ASCC3: variants seen among roughly 807,000 people sequenced by gnomAD.
ASCC3 encodes the protein activating signal cointegrator 1 complex subunit 3.
In ASCC3, 158 loss-of-function variants were observed where a neutral mutation model predicts 256.3. The observed-to-expected ratio is 0.62, with a 90% CI of 0.54 to 0.70. The LOEUF is 0.70. Among genes scored for constraint, ASCC3 ranks in the 30% least tolerant of loss-of-function variants. The pLI is 0.00. For synonymous variants in ASCC3, 948 were observed against 883.4 expected, an observed-to-expected ratio of 1.07 and a Z score of -1.30; for missense variants, 2,259 against 2,626.0, an observed-to-expected ratio of 0.86 and a Z score of 3.05.
At position 100,509,421 on chromosome 6, in the gene ASCC3, C is replaced by T; in HGVS notation, c.6574G>A (p.Val2192Ile). The T allele has an allele frequency of 6.2e-7, 1 of 1,614,160 alleles. No homozygotes were observed. The highest frequency in any genetic ancestry group is 8.5e-7 in the Non-Finnish European group (1 of 1,180,028). The change falls in exon 42 of 42, where the codon GTC (valine) becomes ATC (isoleucine). Residue 2192 changes from valine (V) to isoleucine (I), a missense_variant. Transcript: ENST00000369162. ...GCCAGGTCAGTCAGGGAATCAGAGA[C>T]CTTGGTGTTGACCTGTGCAGAAAGA... ...ASLSAQVNTK[V>I]SDSLTDLALK
At chr6:100,871,429 T>C (rs1225887940) in intron 1 of ASCC3, among the ~76,000 whole-genome samples, 1 of 152,010 alleles carries the variant, frequency 6.6e-6, no homozygotes, top group Non-Finnish European at 1.5e-5. Context: ...CTTAATTTTG[T>C]CTCAAGCCAA....
In ASCC3 at chr6:100,803,723, GT is replaced by G. The variant is rs1431315940; in HGVS notation, c.922+2036del. Among the ~76,000 whole-genome samples the G allele has an allele frequency of 7.2e-5, 11 of 152,166 alleles. No homozygotes were observed. In the East Asian group the frequency reaches 2.1e-3, roughly 29 times the overall value. ...AGGAACTTTAAGGCTCTGAGAACATGTATTAGTAATCAAGAGAATCTGTAAG... is the reference window on the plus strand; with the variant it reads ...AGGAACTTTAAGGCTCTGAGAACATGATTAGTAATCAAGAGAATCTGTAAG... On this transcript the variant is annotated intron_variant, in intron 5 of 41. Transcript: ENST00000369162.
At chr6:100,840,700 A>C (rs1027852974) in intron 4 of ASCC3, among the ~76,000 whole-genome samples, 3 of 152,052 alleles carry the variant, frequency 2.0e-5, no homozygotes, top group Non-Finnish European at 4.4e-5. Flanking sequence ...AAGCAGGTTC[A>C]AAATTATATA....
intron 25 of ASCC3, among the ~76,000 whole-genome samples, chr6:100,634,864 C>CA (rs199632200): frequency 0.056 from 6,719 of 119,154 alleles, 283 homozygotes; most frequent in African/African-American, 0.16. Flanking sequence ...CCTCAAAAAA[C>CA]AAAAAAAAAA....
intron 34 of ASCC3, among the ~76,000 whole-genome samples, chr6:100,595,126 G>T (rs1484709067): frequency 1.3e-5 from 2 of 152,076 alleles, no homozygotes; most frequent in African/African-American, 4.8e-5. Context: ...ATAAGTTCTG[G>T]TGATGCACTG....
intron 8 of ASCC3, among the ~76,000 whole-genome samples, chr6:100,795,938 C>A (rs1277925003): frequency 6.6e-6 from 1 of 152,046 alleles, no homozygotes; most frequent in Non-Finnish European, 1.5e-5. Context: ...TTTTTTCTCC[C>A]AATGTCTGTA....
chr6:100,697,956 T>C (rs1778168329), intron 13 of ASCC3, among the ~76,000 whole-genome samples: 1 of 152,142 alleles, frequency 6.6e-6, no homozygotes, highest in Non-Finnish European at 1.5e-5. Flanking sequence ...TTCCTAAACA[T>C]CATTCGGAGA....
chr6:100,768,449 A>C (rs1010711015), intron 8 of ASCC3, among the ~76,000 whole-genome samples: 3 of 152,218 alleles, frequency 2.0e-5, no homozygotes, highest in African/African-American at 7.2e-5. Context: ...GTCAGAAAAA[A>C]TAAATTTTGA....
At chr6:100,807,248 G>C (rs1206026248) in intron 4 of ASCC3, among the ~76,000 whole-genome samples, 1 of 151,850 alleles carries the variant, frequency 6.6e-6, no homozygotes, top group African/African-American at 2.4e-5. Context: ...AAGATAACAG[G>C]AAAATGGTCA....
intron 8 of ASCC3, among the ~76,000 whole-genome samples, chr6:100,790,752 G>A (rs1174649271): frequency 6.6e-6 from 1 of 151,944 alleles, no homozygotes; most frequent in Non-Finnish European, 1.5e-5. Flanking sequence ...TCAATAAAGT[G>A]TAGGTTGTAA....
intron 13 of ASCC3, among the ~76,000 whole-genome samples, chr6:100,685,624 C>T (rs1235406490): frequency 6.6e-6 from 1 of 152,160 alleles, no homozygotes; most frequent in Non-Finnish European, 1.5e-5. Context: ...TGTGCATTTA[C>T]AATAGTTCTG....
At position 100,642,749 on chromosome 6, in the gene ASCC3, C is replaced by A; in HGVS notation, c.3733G>T (p.Val1245Phe). The change falls in exon 24 of 42, where the codon GTC becomes TTC. Residue 1245 changes from valine (V) to phenylalanine (F), a missense_variant and splice_region_variant. Coordinates refer to ENST00000369162, the MANE Select transcript of ASCC3 (RefSeq NM_006828.4). ...SEYFLALKKQ[V>F]ISKEAQLLVF... ...AGTAGTTGGGCTTCTTTACTAATGA[C>A]CTAATATGAAATACAGTCAAAAATA... The A allele has an allele frequency of 1.2e-6, 2 of 1,611,496 alleles. No individual in the cohort carries two copies. Among genetic ancestry groups the A allele is most frequent in the Non-Finnish European group, 1.7e-6 (2 of 1,177,874 alleles).
intron 8 of ASCC3, among the ~76,000 whole-genome samples, chr6:100,773,314 G>A (rs1211022601): frequency 6.6e-6 from 1 of 152,058 alleles, no homozygotes; most frequent in East Asian, 1.9e-4. Flanking sequence ...TGCTATGAAT[G>A]AATGCAGCTA....
chr6:100,828,092 T>TAAAA (rs10684305), intron 4 of ASCC3, among the ~76,000 whole-genome samples: 2,275 of 125,196 alleles, frequency 0.018, 52 homozygotes, highest in South Asian at 0.028. Context: ...CAGTATTTTC[T>TAAAA]AAAAAAAAAA....
intron 36 of ASCC3, among the ~76,000 whole-genome samples, chr6:100,586,273 A>G (rs1225897935): frequency 6.6e-6 from 1 of 152,182 alleles, no homozygotes; most frequent in Non-Finnish European, 1.5e-5. Flanking sequence ...TTACCTAAGC[A>G]AGCCTGGGCA....
At chr6:100,621,478 T>A in intron 30 of ASCC3, among the ~76,000 whole-genome samples, 1 of 151,916 alleles carries the variant, frequency 6.6e-6, no homozygotes, top group Non-Finnish European at 1.5e-5. Flanking sequence ...TCAACAAACA[T>A]ATGAAAAAAG....
At position 100,607,041 on chromosome 6, in the gene ASCC3, G is replaced by A. The variant is rs747185552; in HGVS notation, c.4833C>T (p.Thr1611=). The A allele has an allele frequency of 1.5e-5, 25 of 1,613,420 alleles. No homozygotes were observed. The highest frequency in any genetic ancestry group is 1.7e-5 in the Non-Finnish European group (20 of 1,179,760). ...ATVRDSNLKL[T]LAFGIGMHHA... is the part of the protein sequence containing the mutation. Reference sequence around the variant, plus strand: ...GATGCATTCCTATCCCGAAAGCAAGGGTCAGCTTGAGGTTGGAATCTCTTA... The same window carrying A: ...GATGCATTCCTATCCCGAAAGCAAGAGTCAGCTTGAGGTTGGAATCTCTTA... The change falls in exon 31 of 42, where the codon ACC becomes ACT. Residue 1611 remains threonine, a synonymous_variant. Coordinates refer to ENST00000369162, the MANE Select transcript of ASCC3 (RefSeq NM_006828.4).
At chr6:100,582,345 G>A (rs925221646) in intron 36 of ASCC3, among the ~76,000 whole-genome samples, 13 of 151,930 alleles carry the variant, frequency 8.6e-5, no homozygotes, top group African/African-American at 2.4e-4. Flanking sequence ...TCTCTTTGAA[G>A]CAATTGTGAA....
intron 34 of ASCC3, among the ~76,000 whole-genome samples, chr6:100,601,323 T>A (rs536938717): frequency 6.6e-6 from 1 of 152,236 alleles, no homozygotes; most frequent in African/African-American, 2.4e-5. Context: ...TAGTTTACCA[T>A]CTGAAAAACA....
Sources: gnomAD v4.1 joint callset for allele counts (sites outside exome capture counted in the v4.1 genomes callset) on GRCh38, gnomAD v4.1.1 for gene constraint, MANE v1.5 for transcripts, NCBI Gene and HGNC (gene_info 2026-07-23, HGNC 2026-07-21) for gene names.